FKRP: variants seen among roughly 807,000 people sequenced by gnomAD.
FKRP encodes the protein ribitol 5-phosphate transferase FKRP.
In FKRP, 25 loss-of-function variants were observed where a neutral mutation model predicts 30.6. The ratio of observed to expected loss-of-function variants is 0.82; its 90% CI spans 0.60 to 1.14. FKRP has a LOEUF of 1.14. FKRP is among the 50% of genes most tolerant of loss of function. The probability of loss-of-function intolerance (pLI) is 0.00; values close to 1 mark genes in which losing one functional copy is unlikely to be tolerated. For missense variants in FKRP, 771 were observed against 727.8 expected (o/e 1.06, Z -0.68); for synonymous variants, 358 against 342.5 (o/e 1.05, Z -0.50).
In FKRP at chr19:46,755,653, A is replaced by G. The variant is rs779035324; in HGVS notation, c.203A>G (p.Asp68Gly). The G allele has an allele frequency of 1.3e-6, 2 of 1,596,300 alleles. No individual in the cohort carries two copies. Among genetic ancestry groups the G allele is most frequent in the Non-Finnish European group, 8.5e-7 (1 of 1,177,256 alleles). ...AFDNAVPELV[D>G]SFLQQDPAQP... is the part of the protein sequence containing the mutation. ...GACAACGCGGTGCCCGAGCTGGTAG[A>G]CTCCTTCCTGCAGCAAGACCCAGCC... Residue 68 changes from aspartate to glycine, a missense_variant, in exon 4 of 4, where the codon GAC (aspartate) becomes GGC (glycine). Asp to Gly is a moderately conservative substitution (Grantham distance 94). Coordinates refer to ENST00000318584, the MANE Select transcript of FKRP (RefSeq NM_024301.5).
At chr19:46,746,041 C>CCGGGG, upstream of FKRP, 1 of 1,184,240 alleles carries the variant, frequency 8.4e-7, no homozygotes, top group Non-Finnish European at 1.1e-6. Context: ...GCCCCCCCGC[C>CCGGGG]GGCCGTCCCG....
At chr19:46,746,473 G>C in intron 1 of FKRP, 1 of 964,782 alleles carries the variant, frequency 1.0e-6, no homozygotes, top group Non-Finnish European at 1.2e-6. Flanking sequence ...TGCCTCGCGC[G>C]CCTGCGCGGC....
rs34544320 is a variant in FKRP, at chr19:46,749,408, C to CTTTT, written c.-40+761_-40+764dup. ...CTTTAACTCTCTGTGCCTTTGTTTC[C>CTTTT]TTTTTTTTTTTTTTTTTTTTTGAGA... On this transcript the variant is annotated intron_variant, in intron 3 of 3. Transcript: ENST00000318584. Among the ~76,000 whole-genome samples, 44 of 114,818 alleles carry CTTTT rather than the reference C, an allele frequency of 3.8e-4. 1 individual carries two copies. Among genetic ancestry groups the CTTTT allele is most frequent in the South Asian group, 2.0e-3 (7 of 3,420 alleles). 75.3% of individuals were successfully genotyped at this position (114,818 alleles called of 152,430 possible).
chr19:46,745,850 A>G (rs1475072786), upstream of FKRP: 1 of 280,540 alleles, frequency 3.6e-6, no homozygotes, highest in Non-Finnish European at 6.6e-6. Flanking sequence ...TCCCAGTCCC[A>G]CTCCCAGCTG....
chr19:46,757,011 G>C lies in FKRP; in HGVS notation c.*73G>C. ...GAGAAGCTCTGTGTGAGCGGTGAGG[G>C]GTGGAGGGATGTCGCGGAGAGGGGA... On this transcript the variant is annotated 3_prime_UTR_variant, in exon 4 of 4. Transcript: ENST00000318584. 6.3e-7 allele frequency: 1 copy of C among 1,583,676 alleles called. No homozygotes were observed. Among genetic ancestry groups the C allele is most frequent in the South Asian group, 1.1e-5 (1 of 88,722 alleles).
chr19:46,746,082 C>G lies in FKRP; in HGVS notation c.-261C>G. ...CATTGCTCCAAGATGGCGGCGGCGG[C>G]GGCAGCGGGTGAGGCCGGGCCGGGC... is the stretch of plus-strand genomic sequence containing the variant. On this transcript the variant is annotated 5_prime_UTR_variant, in exon 1 of 4. Coordinates refer to ENST00000318584, the MANE Select transcript of FKRP (RefSeq NM_024301.5). 7.8e-7 allele frequency: 1 copy of G among 1,275,098 alleles called. No individual in the cohort carries two copies. 79.0% of individuals were successfully genotyped at this position (1,275,098 alleles called of 1,614,324 possible).
At chr19:46,745,271 C>T (rs1038136175), upstream of FKRP, among the ~76,000 whole-genome samples, 1 of 152,120 alleles carries the variant, frequency 6.6e-6, no homozygotes, top group Non-Finnish European at 1.5e-5. Flanking sequence ...TCCTGCACAC[C>T]CCCAAAGTGG....
At chr19:46,746,159 G>T in intron 1 of FKRP, 69 bp downstream of exon 1, 2 of 1,526,070 alleles carry the variant, frequency 1.3e-6, no homozygotes, top group Non-Finnish European at 1.7e-6. Flanking sequence ...CTGTAACTCG[G>T]CGCGCTCGGC....
chr19:46,745,223 C>T (rs542112260), upstream of FKRP, among the ~76,000 whole-genome samples: 1 of 152,210 alleles, frequency 6.6e-6, no homozygotes, highest in East Asian at 1.9e-4. Flanking sequence ...TACCTACATC[C>T]TACAACACAC....
rs906664695 is a variant in FKRP at position 46,756,532 on chromosome 19, A to C, written c.1082A>C (p.Tyr361Ser). The change falls in exon 4 of 4, where the codon TAC becomes TCC. Residue 361 changes from tyrosine (Y) to serine (S), a missense_variant. By Grantham distance (144) the Tyr-to-Ser change is moderately radical. Transcript: ENST00000318584. The surrounding 1 kb of genome is among the most constrained non-coding windows in gnomAD (Gnocchi z 6.6). ...ARHGDIIPWD[Y>S]DVDLGIYLED... Reference sequence around the variant, plus strand: ...CACGGGGACATCATCCCATGGGACTACGACGTGGACCTGGGCATCTACTTG... The same window carrying C: ...CACGGGGACATCATCCCATGGGACTCCGACGTGGACCTGGGCATCTACTTG... 6.3e-7 allele frequency: 1 copy of C among 1,599,876 alleles called. No individual in the cohort carries two copies. Among genetic ancestry groups the C allele is most frequent in the African/African-American group, 1.3e-5 (1 of 74,832 alleles).
chr19:46,751,939 TG>T (rs2054802601), intron 3 of FKRP, among the ~76,000 whole-genome samples: 1 of 150,564 alleles, frequency 6.6e-6, no homozygotes, highest in Admixed American at 6.6e-5. Flanking sequence ...GTGATGGGGG[TG>T]GGGGCCGGCG....
At chr19:46,753,307 A>T (rs2054830536) in intron 3 of FKRP, among the ~76,000 whole-genome samples, 1 of 149,036 alleles carries the variant, frequency 6.7e-6, no homozygotes, top group African/African-American at 2.5e-5. Flanking sequence ...AAAATACAAA[A>T]TTAGCCGGGT....
intron 3 of FKRP, among the ~76,000 whole-genome samples, chr19:46,754,676 C>T (rs761119231): frequency 7.2e-5 from 11 of 151,834 alleles, no homozygotes; most frequent in African/African-American, 9.7e-5. Flanking sequence ...GTGCCATCTC[C>T]GCTCACTGCA....
In FKRP at chr19:46,755,677, C is replaced by T; in HGVS notation, c.227C>T (p.Ala76Val). Residue 76 changes from alanine to valine, a missense_variant, in exon 4 of 4, where the codon GCC becomes GTC. Transcript: ENST00000318584. ...GACTCCTTCCTGCAGCAAGACCCAGCCCAGCCCGTGGTGGTGGCAGCCGAC... is the reference window on the plus strand; with the variant it reads ...GACTCCTTCCTGCAGCAAGACCCAGTCCAGCCCGTGGTGGTGGCAGCCGAC... ...LVDSFLQQDP[A>V]QPVVVAADTL... The T allele has an allele frequency of 6.3e-7, 1 of 1,592,652 alleles. No individual in the cohort carries two copies. Among genetic ancestry groups the T allele is most frequent in the Non-Finnish European group, 8.5e-7 (1 of 1,175,974 alleles).
rs1031408738 is a variant in FKRP at position 46,756,591 on chromosome 19, G to A, written c.1141G>A (p.Ala381Thr). ...DVGNCEQLRG[A>T]EAGSVVDERG... ...GGGCAACTGCGAGCAGCTGCGGGGG[G>A]CAGAGGCCGGCTCGGTGGTGGATGA... is the stretch of plus-strand genomic sequence containing the variant. The change falls in exon 4 of 4, where the codon GCA becomes ACA. Residue 381 changes from alanine to threonine, a missense_variant. By Grantham distance (58) the Ala-to-Thr change is moderately conservative. Transcript: ENST00000318584. The surrounding 1 kb of genome is among the most constrained non-coding windows in gnomAD (Gnocchi z 6.6). 1.9e-6 allele frequency: 3 copies of A among 1,610,672 alleles called. No homozygotes were observed. Among genetic ancestry groups the A allele is most frequent in the Non-Finnish European group, 8.5e-7 (1 of 1,178,920 alleles).
rs1173430388 is a variant in FKRP at position 46,756,462 on chromosome 19, G to C, written c.1012G>C (p.Val338Leu). 6.3e-7 allele frequency: 1 copy of C among 1,584,448 alleles called. No homozygotes were observed. Among genetic ancestry groups the C allele is most frequent in the Non-Finnish European group, 8.6e-7 (1 of 1,165,818 alleles). Residue 338 changes from valine (V) to leucine (L), a missense_variant, in exon 4 of 4, where the codon GTG becomes CTG. Val to Leu is a conservative substitution (Grantham distance 32, BLOSUM62 1). Coordinates refer to ENST00000318584, the MANE Select transcript of FKRP (RefSeq NM_024301.5). The surrounding 1 kb of genome is among the most constrained non-coding windows in gnomAD (Gnocchi z 6.6). Reference sequence around the variant, plus strand: ...GGTGGGCGTGCTGGAGGCTGCGGGCGTGCGCTACTGGCTCGAGGGCGGCTC... The same window carrying C: ...GGTGGGCGTGCTGGAGGCTGCGGGCCTGCGCTACTGGCTCGAGGGCGGCTC... Reference protein sequence around the residue: ...YVVGVLEAAGVRYWLEGGSLL... With the variant: ...YVVGVLEAAGLRYWLEGGSLL...
rs1224315392 is a variant in FKRP, at chr19:46,757,218, G to A, written c.*280G>A. On this transcript the variant is annotated 3_prime_UTR_variant, in exon 4 of 4. Transcript: ENST00000318584. ...GGTCATCTCAGTCATGGAGGGAGAC[G>A]GGGATGTCACGCCGTCCCGCAGGGC... 7.1e-6 allele frequency: 4 copies of A among 565,438 alleles called. No individual in the cohort carries two copies. Among genetic ancestry groups the A allele is most frequent in the Non-Finnish European group, 3.3e-6 (1 of 305,230 alleles). The allele number at this position is 565,438 out of a possible 1,614,324, so 35.0% of individuals were successfully genotyped here.
In FKRP at chr19:46,756,836, TAAC is replaced by T; in HGVS notation, c.1390_1392del (p.Asn464del). Reference sequence around the variant, plus strand: ...TTGCCGGCTTCGTGGCGCAGGCGCCTAACAACTACCGCCGCTTCCTGGAGCTCA... The same window carrying T: ...TTGCCGGCTTCGTGGCGCAGGCGCCTAACTACCGCCGCTTCCTGGAGCTCA... On this transcript the variant is annotated inframe_deletion, in exon 4 of 4. Coordinates refer to ENST00000318584, the MANE Select transcript of FKRP (RefSeq NM_024301.5). This position sits in a 1 kb window ranked among gnomAD's most constrained non-coding sequence, Gnocchi z 6.6. 1 of 1,601,340 alleles carries T rather than the reference TAAC, an allele frequency of 6.2e-7. No homozygotes were observed. Among genetic ancestry groups the T allele is most frequent in the South Asian group, 1.1e-5 (1 of 89,514 alleles).
At position 46,756,171 on chromosome 19, in the gene FKRP, G is replaced by T. The variant is rs1042464853; in HGVS notation, c.721G>T (p.Ala241Ser). 1.4e-6 allele frequency: 2 copies of T among 1,446,042 alleles called. No individual in the cohort carries two copies. Among genetic ancestry groups the T allele is most frequent in the East Asian group, 6.0e-5 (2 of 33,376 alleles). 89.6% of individuals were successfully genotyped at this position (1,446,042 alleles called of 1,614,324 possible). A position where few individuals can be genotyped will look rare whatever the true frequency, so the allele number is the denominator to read the frequency against. The change falls in exon 4 of 4, where the codon GCC becomes TCC. Residue 241 changes from alanine to serine, a missense_variant. Physicochemically the swap from Ala to Ser is moderately conservative, Grantham distance 99. Coordinates refer to ENST00000318584, the MANE Select transcript of FKRP (RefSeq NM_024301.5). The surrounding 1 kb of genome is among the most constrained non-coding windows in gnomAD (Gnocchi z 6.6). ...GGTGCAGCTGCTGGACTTGACCTTC[G>T]CCGCGGCGCGCCAGCCCCCGCTGGC... ...WAVQLLDLTF[A>S]AARQPPLATA...
Sources: allele counts gnomAD v4.1 joint callset (sites outside exome capture counted in the v4.1 genomes callset), GRCh38; gene constraint gnomAD v4.1.1; non-coding constraint Gnocchi (gnomAD v3.1); transcripts MANE v1.5; gene names NCBI Gene and HGNC (gene_info 2026-07-23, HGNC 2026-07-21).